The following ZNF573 variants were observed in gnomAD, a reference collection of about 807,000 sequenced individuals.
ZNF573 encodes the protein zinc finger protein 573.
A neutral mutation model predicts 57.4 loss-of-function variants in ZNF573; 41 were observed. The ratio of observed to expected loss-of-function variants is 0.71; its 90% CI spans 0.56 to 0.93. The LOEUF (loss-of-function observed/expected upper bound fraction) is 0.93, where lower values mean the gene tolerates loss of function less well. Ranked by LOEUF, ZNF573 falls within the 40% of genes least tolerant of loss-of-function variation. The pLI, the probability that ZNF573 is intolerant of heterozygous loss-of-function variation, is 0.00. For missense variants in ZNF573, 730 were observed against 794.8 expected, an observed-to-expected ratio of 0.92 and a Z score of 0.98; for synonymous variants, 249 against 261.0, an observed-to-expected ratio of 0.95 and a Z score of 0.44.
At chr19:37,758,306 A>T (rs1400897458) in intron 4 of ZNF573, among the ~76,000 whole-genome samples, 26 of 130,626 alleles carry the variant, frequency 2.0e-4, no homozygotes, top group East Asian at 1.4e-3. Context: ...CACGTTTTTT[A>T]AAAAAAAAAA....
At chr19:37,776,845 A>G (rs1048072256) in intron 1 of ZNF573, among the ~76,000 whole-genome samples, 11 of 152,234 alleles carry the variant, frequency 7.2e-5, no homozygotes, top group Non-Finnish European at 1.5e-4. Flanking sequence ...GACAATTCTC[A>G]AAAGAAGATA....
At chr19:37,753,287 A>G (rs751148415) in intron 4 of ZNF573, among the ~76,000 whole-genome samples, 62 of 152,278 alleles carry the variant, frequency 4.1e-4, no homozygotes, top group Non-Finnish European at 5.4e-4. Flanking sequence ...AGATATTTTG[A>G]TACAGGCATA....
chr19:37,765,231 A>G (rs1221533760), intron 4 of ZNF573, among the ~76,000 whole-genome samples: 4 of 152,152 alleles, frequency 2.6e-5, no homozygotes, highest in African/African-American at 7.2e-5. Flanking sequence ...TAAAAAGCCT[A>G]TAACAATCTT....
chr19:37,762,454 C>G (rs926744371), intron 4 of ZNF573, among the ~76,000 whole-genome samples: 3 of 152,110 alleles, frequency 2.0e-5, no homozygotes, highest in African/African-American at 7.2e-5. Context: ...AAAACATTTT[C>G]TAATGTTCTG....
intron 4 of ZNF573, among the ~76,000 whole-genome samples, chr19:37,764,903 T>A (rs2045587663): frequency 2.1e-5 from 1 of 47,308 alleles, no homozygotes; most frequent in Non-Finnish European, 3.4e-5. Context: ...GTGCCCGGCC[T>A]TTTTTTTTTT....
Position 37,771,699 on chromosome 19 carries a change from G to A in ZNF573, c.70-3C>T. The A allele has an allele frequency of 6.3e-7, 1 of 1,589,580 alleles. No individual in the cohort carries two copies. Among genetic ancestry groups the A allele is most frequent in the South Asian group, 1.2e-5 (1 of 86,434 alleles). On this transcript the variant is annotated splice_region_variant and splice_polypyrimidine_tract_variant and intron_variant, in intron 2 of 4. Coordinates refer to ENST00000536220, the MANE Select transcript of ZNF573 (RefSeq NM_001172690.2). Reference sequence around the variant, plus strand: ...CTGAATGTCACTAATTCCTGAAACTGCAAACCCATGCATTACAAAATTTTA... The same window carrying A: ...CTGAATGTCACTAATTCCTGAAACTACAAACCCATGCATTACAAAATTTTA...
intron 4 of ZNF573, 23 bp from the exon 5 acceptor site, chr19:37,740,217 A>C (rs979495164): frequency 6.5e-7 from 1 of 1,527,858 alleles, no homozygotes; most frequent in Non-Finnish European, 8.8e-7. Flanking sequence ...AGGACAACAA[A>C]AAAAATTTGT....
At chr19:37,746,842 C>A (rs2045388405) in intron 4 of ZNF573, among the ~76,000 whole-genome samples, 1 of 152,208 alleles carries the variant, frequency 6.6e-6, no homozygotes, top group South Asian at 2.1e-4. Context: ...CCTTGGCCTC[C>A]CAAAGTGCTG....
Position 37,738,616 on chromosome 19 carries a change from A to G in ZNF573, c.1874T>C (p.Leu625Pro). Residue 625 changes from leucine to proline, a missense_variant, in exon 5 of 5, where the codon CTT becomes CCT. Coordinates refer to ENST00000536220, the MANE Select transcript of ZNF573 (RefSeq NM_001172690.2). ...CGKAFSRASN[L>P]VQHERIHTGE... The stretch of plus-strand genomic sequence containing the variant: ...AGTATGAATTCTCTCATGTTGAACA[A>G]GGTTTGAAGCACGACTGAAGGCCTT... 6.2e-7 allele frequency: 1 copy of G among 1,611,710 alleles called. No individual in the cohort carries two copies. The highest frequency in any genetic ancestry group is 2.2e-5 in the East Asian group (1 of 44,874).
At chr19:37,773,640 A>C (rs568973366) in intron 2 of ZNF573, 21 bp downstream of exon 2, 489 of 1,526,742 alleles carry the variant, frequency 3.2e-4, no homozygotes, top group Non-Finnish European at 4.1e-4. Flanking sequence ...TATTGCAAGG[A>C]AACAGAATTA....
chr19:37,741,279 C>A (rs1339988019), intron 4 of ZNF573, among the ~76,000 whole-genome samples: 1 of 152,056 alleles, frequency 6.6e-6, no homozygotes, highest in East Asian at 1.9e-4. Flanking sequence ...ATCAATCAAT[C>A]ATCAAGACAG....
chr19:37,762,656 C>A (rs950648727), intron 4 of ZNF573, among the ~76,000 whole-genome samples: 1 of 152,004 alleles, frequency 6.6e-6, no homozygotes, highest in African/African-American at 2.4e-5. Flanking sequence ...GAAGAGAACA[C>A]CATATTTAGG....
At chr19:37,763,713 T>G (rs1039348456) in intron 4 of ZNF573, among the ~76,000 whole-genome samples, 6 of 152,238 alleles carry the variant, frequency 3.9e-5, no homozygotes, top group Non-Finnish European at 7.4e-5. Context: ...TTTTCAGTAA[T>G]CATTTAGGTA....
chr19:37,740,140 G>C lies in ZNF573; in HGVS notation c.350C>G (p.Thr117Arg), dbSNP rs769039487. The change falls in exon 5 of 5, where the codon ACA becomes AGA. Residue 117 changes from threonine (T) to arginine (R), a missense_variant. Coordinates refer to ENST00000536220, the MANE Select transcript of ZNF573 (RefSeq NM_001172690.2). The part of the protein sequence containing the change: ...ISYIEVPTYE[T>R]DISSTQLQSI... ...CTGAAGTTGTGTAGAGGATATATCT[G>C]TTTCATAAGTGGGTACTTCTATGTA... 18 of 1,607,774 alleles carry C rather than the reference G, an allele frequency of 1.1e-5. No homozygotes were observed. The highest frequency in any genetic ancestry group is 1.5e-5 in the Non-Finnish European group (18 of 1,176,368).
chr19:37,773,336 A>G (rs1255490147), intron 2 of ZNF573, among the ~76,000 whole-genome samples: 1 of 152,226 alleles, frequency 6.6e-6, no homozygotes, highest in Non-Finnish European at 1.5e-5. Flanking sequence ...TAGGACCAAC[A>G]TCTCTAATTC....
rs1373645432 is a variant in ZNF573, at chr19:37,768,856, C to T, written c.295+1149G>A. ...AATTTTTTTGTATTTTTAGTAGAGA[C>T]GGGGTTTCACCGTGTTAGCCAGGAT... is the stretch of plus-strand genomic sequence containing the variant. On this transcript the variant is annotated intron_variant, in intron 4 of 4. Coordinates refer to ENST00000536220, the MANE Select transcript of ZNF573 (RefSeq NM_001172690.2). 5.3e-5 allele frequency among the ~76,000 whole-genome samples: 8 copies of T among 149,818 alleles called. 2 individuals carry two copies. The highest frequency in any genetic ancestry group is 2.2e-4 in the South Asian group (1 of 4,640).
chr19:37,760,918 C>T lies in ZNF573; in HGVS notation c.295+9087G>A, dbSNP rs568207190. 3.0e-3 allele frequency among the ~76,000 whole-genome samples: 455 copies of T among 152,176 alleles called. 1 individual carries two copies. Among genetic ancestry groups the T allele is most frequent in the Non-Finnish European group, 3.7e-3 (249 of 68,012 alleles). On this transcript the variant is annotated intron_variant, in intron 4 of 4. Transcript: ENST00000536220. ...TGCATTAAAGATGTGTACAAGCAGG[C>T]CGGGCGCAGTGGCTCACGCCTGTAA...
At chr19:37,750,629 T>C (rs1040203162) in intron 4 of ZNF573, among the ~76,000 whole-genome samples, 5 of 151,632 alleles carry the variant, frequency 3.3e-5, no homozygotes, top group Non-Finnish European at 7.4e-5. Flanking sequence ...CTAAGAAAAA[T>C]TTTAGCAATT....
At chr19:37,749,660 G>A (rs1320802368) in intron 4 of ZNF573, among the ~76,000 whole-genome samples, 1 of 152,144 alleles carries the variant, frequency 6.6e-6, no homozygotes, top group Non-Finnish European at 1.5e-5. Flanking sequence ...AAATACCACA[G>A]AAGAGCCAAA....
Sources: gnomAD v4.1 joint callset for allele counts (sites outside exome capture counted in the v4.1 genomes callset) on GRCh38, gnomAD v4.1.1 for gene constraint, MANE v1.5 for transcripts, NCBI Gene and HGNC (gene_info 2026-07-23, HGNC 2026-07-21) for gene names.